The following FYB2 variants were observed in gnomAD, a reference collection of about 807,000 sequenced individuals.
The protein encoded by FYB2 is FYN-binding protein 2.
FYB2 carries 103 observed loss-of-function variants against 94.1 expected under a neutral mutation model. That is an observed-to-expected ratio of 1.09 (90% CI 0.93 to 1.29). The LOEUF is 1.29. Ranked by LOEUF, FYB2 falls within the 50% of genes most tolerant of loss-of-function variation. The pLI is 0.00. For missense variants in FYB2, 896 were observed against 841.5 expected (o/e 1.06, Z -0.80); for synonymous variants, 293 against 287.9 (o/e 1.02, Z -0.18).
intron 1 of FYB2, among the ~76,000 whole-genome samples, chr1:56,804,383 G>A (rs146427947): frequency 5.3e-5 from 8 of 152,206 alleles, no homozygotes; most frequent in Non-Finnish European, 7.4e-5. Context: ...CTTTTAAAAG[G>A]CTTTCTTTGA....
chr1:56,739,412 G>T (rs1172515650), intron 13 of FYB2, among the ~76,000 whole-genome samples: 2 of 151,902 alleles, frequency 1.3e-5, no homozygotes, highest in Non-Finnish European at 2.9e-5. Flanking sequence ...GTTTTGTAGG[G>T]TCTCTTGGTA....
At chr1:56,744,104 TAA>T in intron 10 of FYB2, 38 bp from the exon 11 acceptor site, 1 of 1,612,396 alleles carries the variant, frequency 6.2e-7, no homozygotes, top group African/African-American at 1.3e-5. Context: ...ATTGTACCTT[TAA>T]AGTCTCATCA....
chr1:56,736,418 G>A (rs1014349574), intron 15 of FYB2, among the ~76,000 whole-genome samples: 1 of 137,200 alleles, frequency 7.3e-6, no homozygotes, highest in Non-Finnish European at 1.5e-5. Context: ...TCAAACTTAA[G>A]GATGGCTTTT....
chr1:56,796,872 GTGT>G (rs1646412640), intron 1 of FYB2, among the ~76,000 whole-genome samples: 1 of 152,082 alleles, frequency 6.6e-6, no homozygotes, highest in Non-Finnish European at 1.5e-5. Context: ...AATTTAACTC[GTGT>G]CATCTCAAAA....
At chr1:56,822,863 T>C (rs1335117077), upstream of FYB2, among the ~76,000 whole-genome samples, 3 of 152,004 alleles carry the variant, frequency 2.0e-5, no homozygotes, top group South Asian at 4.1e-4. Context: ...AGCCAGACTG[T>C]GTAGATTGAT....
At chr1:56,822,461 C>G (rs1646997998), upstream of FYB2, among the ~76,000 whole-genome samples, 1 of 152,222 alleles carries the variant, frequency 6.6e-6, no homozygotes, top group African/African-American at 2.4e-5. Context: ...TCAAAATCTT[C>G]TAGATATTTC....
At chr1:56,826,378 C>T in the FYB2 span, among the ~76,000 whole-genome samples, 2 of 152,230 alleles carry the variant, frequency 1.3e-5, no homozygotes, top group Non-Finnish European at 2.9e-5. Context: ...CTTCCCAGGA[C>T]ATACAAGACT....
At chr1:56,815,511 T>C (rs1646863303) in intron 1 of FYB2, among the ~76,000 whole-genome samples, 2 of 151,966 alleles carry the variant, frequency 1.3e-5, no homozygotes, top group South Asian at 4.2e-4. Context: ...GGCCTGAGAG[T>C]AGAGTCTACT....
intron 16 of FYB2, 141 bp from the exon 17 acceptor site, chr1:56,723,822 G>A (rs1644533180): frequency 1.7e-6 from 1 of 580,224 alleles, no homozygotes; most frequent in Non-Finnish European, 3.0e-6. Flanking sequence ...AATACACAAA[G>A]TCACGCATCT....
At chr1:56,777,618 A>T (rs1300187191) in intron 4 of FYB2, among the ~76,000 whole-genome samples, 1 of 152,108 alleles carries the variant, frequency 6.6e-6, no homozygotes, top group Non-Finnish European at 1.5e-5. Flanking sequence ...TTCTTCAGCC[A>T]ACATTTATTG....
Position 56,723,490 on chromosome 1 carries a change from C to G in FYB2, c.1974+98G>C, listed in dbSNP as rs541491450. On this transcript the variant is annotated intron_variant, in intron 17 of 19. Coordinates refer to ENST00000343433, the MANE Select transcript of FYB2 (RefSeq NM_001004303.5). ...TGTGTCAAAGATCATGTCTGTATCT[C>G]AGAGAGGCAGAGGCACAGCATACTT... 4.7e-4 allele frequency: 294 copies of G among 626,954 alleles called. 2 individuals are homozygous for G. The highest frequency in any genetic ancestry group is 2.6e-3 in the South Asian group (110 of 42,930). The allele number at this position is 626,954 out of a possible 1,614,324, so 38.8% of individuals were successfully genotyped here.
upstream of FYB2, among the ~76,000 whole-genome samples, chr1:56,822,930 T>G (rs1457244558): frequency 6.6e-6 from 1 of 152,090 alleles, no homozygotes; most frequent in Non-Finnish European, 1.5e-5. Flanking sequence ...ATAATTCTTG[T>G]TGGTTAGATT....
At chr1:56,812,527 T>C (rs757028145) in intron 1 of FYB2, among the ~76,000 whole-genome samples, 1 of 152,234 alleles carries the variant, frequency 6.6e-6, no homozygotes, top group Non-Finnish European at 1.5e-5. Context: ...TTAATTATTA[T>C]TTCTGAAGCA....
At chr1:56,797,275 G>A (rs1646421967) in intron 1 of FYB2, among the ~76,000 whole-genome samples, 1 of 152,150 alleles carries the variant, frequency 6.6e-6, no homozygotes, top group African/African-American at 2.4e-5. Flanking sequence ...GAAAGGAGAG[G>A]CCAAGTCTTA....
At chr1:56,825,904 TG>T in the FYB2 span, among the ~76,000 whole-genome samples, 1 of 152,202 alleles carries the variant, frequency 6.6e-6, no homozygotes, top group African/African-American at 2.4e-5. Flanking sequence ...CCCCCAAACC[TG>T]CTCCAAGCAG....
At chr1:56,782,960 C>T (rs2100911070) in intron 4 of FYB2, among the ~76,000 whole-genome samples, 1 of 152,252 alleles carries the variant, frequency 6.6e-6, no homozygotes, top group Middle Eastern at 3.4e-3. Context: ...CTGATTGCTG[C>T]CCTGGGACTA....
At chr1:56,744,333 T>C (rs1465858939) in intron 9 of FYB2, 67 bp from the exon 10 acceptor site, 1 of 1,151,572 alleles carries the variant, frequency 8.7e-7, no homozygotes, top group Non-Finnish European at 1.3e-6. Flanking sequence ...TTCACACACA[T>C]CACTGGCAGT....
At chr1:56,793,682 C>A (rs960080681) in intron 1 of FYB2, among the ~76,000 whole-genome samples, 10 of 138,868 alleles carry the variant, frequency 7.2e-5, no homozygotes, top group Non-Finnish European at 1.4e-4. Flanking sequence ...CAGTGACACA[C>A]AATTTACCCA....
chr1:56,802,787 C>T (rs1235009865), intron 1 of FYB2, among the ~76,000 whole-genome samples: 1 of 152,120 alleles, frequency 6.6e-6, no homozygotes, highest in African/African-American at 2.4e-5. Context: ...TATCACCTTG[C>T]ACTTTCTTGT....
Sources: allele counts gnomAD v4.1 joint callset (sites outside exome capture counted in the v4.1 genomes callset), GRCh38; gene constraint gnomAD v4.1.1; transcripts MANE v1.5; gene names NCBI Gene and HGNC (gene_info 2026-07-23, HGNC 2026-07-21).